The following L1TD1 variants were observed in gnomAD, a reference collection of about 807,000 sequenced individuals.
The protein encoded by L1TD1 is LINE-1 type transposase domain-containing protein 1.
In L1TD1, 26 loss-of-function variants were observed where a neutral mutation model predicts 25.7. The observed-to-expected ratio is 1.01, with a 90% CI of 0.74 to 1.40. The LOEUF is 1.40. Ranked by LOEUF, L1TD1 falls within the 40% of genes most tolerant of loss-of-function variation. The probability of loss-of-function intolerance (pLI) is 0.00; values close to 1 mark genes in which losing one functional copy is unlikely to be tolerated. For synonymous variants in L1TD1, 421 were observed against 335.6 expected (o/e 1.25, Z -2.78); for missense variants, 1,130 against 975.0 (o/e 1.16, Z -2.12).
Position 62,211,484 on chromosome 1 carries a change from AC to A in L1TD1, c.*113del. 6.8e-7 allele frequency: 1 copy of A among 1,480,378 alleles called. No individual in the cohort carries two copies. Among genetic ancestry groups the A allele is most frequent in the East Asian group, 2.3e-5 (1 of 43,746 alleles). The allele number at this position is 1,480,378 out of a possible 1,614,324, so 91.7% of individuals were successfully genotyped here. A position where few individuals can be genotyped will look rare whatever the true frequency, so the allele number is the denominator to read the frequency against. On this transcript the variant is annotated 3_prime_UTR_variant, in exon 4 of 4. Transcript: ENST00000498273. ...CAGAAGGATGGACAGCTAATAGCGTACTTGGGGATGAGGAGCAAGGAATATT... is the reference window on the plus strand; with the variant it reads ...CAGAAGGATGGACAGCTAATAGCGTATTGGGGATGAGGAGCAAGGAATATT...
At chr1:62,205,374 T>TCTCTCTCC (rs1491465068) in intron 2 of L1TD1, among the ~76,000 whole-genome samples, 939 of 79,246 alleles carry the variant, frequency 0.012, 65 homozygotes, top group Non-Finnish European at 0.02. Context: ...AAACTCTCTT[T>TCTCTCTCC]CTCTCTCTCT....
At chr1:62,198,018 T>C (rs1670576225) in intron 2 of L1TD1, among the ~76,000 whole-genome samples, 1 of 151,928 alleles carries the variant, frequency 6.6e-6, no homozygotes, top group Non-Finnish European at 1.5e-5. Context: ...CATATATAAC[T>C]GGAAGATTAC....
intron 2 of L1TD1, among the ~76,000 whole-genome samples, chr1:62,200,302 G>C (rs1197196631): frequency 6.6e-6 from 1 of 151,956 alleles, no homozygotes; most frequent in South Asian, 2.1e-4. Flanking sequence ...TCAACCTCCC[G>C]AGTAGCTGGT....
chr1:62,211,388 A>G lies in L1TD1; in HGVS notation c.*16A>G, dbSNP rs377586348. On this transcript the variant is annotated 3_prime_UTR_variant, in exon 4 of 4. Transcript: ENST00000498273. ...TATACCTTAGCACGCCAGGGTGACT[A>G]CAAACAATATGCTTTCCTCCCCCAG... 14 of 1,552,470 alleles carry G rather than the reference A, an allele frequency of 9.0e-6. No homozygotes were observed. The African/African-American group carries it at 1.1e-4, about 12-fold the overall frequency.
intron 2 of L1TD1, among the ~76,000 whole-genome samples, chr1:62,197,546 C>CTGG (rs1670568431): frequency 6.6e-6 from 1 of 151,688 alleles, no homozygotes; most frequent in East Asian, 1.9e-4. Context: ...GTTGCACAGG[C>CTGG]TGGTCTCAAA....
intron 3 of L1TD1, 48 bp downstream of exon 3, chr1:62,207,684 T>G: frequency 6.9e-7 from 1 of 1,445,168 alleles, no homozygotes; most frequent in Non-Finnish European, 9.1e-7. Flanking sequence ...ATAAATGTAA[T>G]AGTAGGCATG....
Position 62,207,552 on chromosome 1 carries a change from TGTGA to T in L1TD1, c.925_928del (p.Val309LysfsTer4). Reference sequence around the variant, plus strand: ...GAAAATTTGCCAGCCAAAAATCTTCTGTGAAAGAATTACTGAAAGATGTACTCCC... The same window carrying T: ...GAAAATTTGCCAGCCAAAAATCTTCTAAGAATTACTGAAAGATGTACTCCC... On this transcript the variant is annotated frameshift_variant, in exon 3 of 4. Transcript: ENST00000498273. LOFTEE classifies it high-confidence loss of function. 6.4e-7 allele frequency: 1 copy of T among 1,551,278 alleles called. No homozygotes were observed. The highest frequency in any genetic ancestry group is 8.7e-7 in the Non-Finnish European group (1 of 1,146,886).
intron 2 of L1TD1, among the ~76,000 whole-genome samples, chr1:62,202,577 A>T (rs1370033809): frequency 1.7e-4 from 21 of 126,762 alleles, no homozygotes; most frequent in African/African-American, 5.5e-4. Context: ...TTCATTTAAA[A>T]TTTTTTATTT....
rs1186178555 is a variant in L1TD1, at chr1:62,205,434, TATATA to T, written c.-110-1084_-110-1080del. 7.9e-3 allele frequency among the ~76,000 whole-genome samples: 585 copies of T among 73,638 alleles called. 34 individuals carry two copies. The highest frequency in any genetic ancestry group is 0.036 in the South Asian group (79 of 2,214). The allele number at this position is 73,638 out of a possible 152,430, so 48.3% of individuals were successfully genotyped here. A position where few individuals can be genotyped will look rare whatever the true frequency, so the allele number is the denominator to read the frequency against. On this transcript the variant is annotated intron_variant, in intron 2 of 3. Coordinates refer to ENST00000498273, the MANE Select transcript of L1TD1 (RefSeq NM_019079.5). ...CTCTCTCTCTATATATATATATATA[TATATA>T]TATATTTTTTTTTAGACAGTCTTGC...
In L1TD1 at chr1:62,207,465, A is replaced by G. The variant is rs1251348556; in HGVS notation, c.837A>G (p.Glu279=). The change falls in exon 3 of 4, where the codon GAA becomes GAG. Residue 279 remains glutamate (E), a synonymous_variant. Coordinates refer to ENST00000498273, the MANE Select transcript of L1TD1 (RefSeq NM_019079.5). ...ENDFEPKFLC[E]VKLAFKCDGE... ...ATTTTGAACCTAAATTTCTGTGTGAAGTTAAATTAGCATTTAAATGTGATG... is the reference window on the plus strand; with the variant it reads ...ATTTTGAACCTAAATTTCTGTGTGAGGTTAAATTAGCATTTAAATGTGATG... The G allele has an allele frequency of 3.2e-6, 5 of 1,551,122 alleles. No homozygotes were observed. The highest frequency in any genetic ancestry group is 4.4e-6 in the Non-Finnish European group (5 of 1,146,752).
At chr1:62,209,161 A>T (rs926957363) in intron 3 of L1TD1, among the ~76,000 whole-genome samples, 1 of 152,174 alleles carries the variant, frequency 6.6e-6, no homozygotes, top group African/African-American at 2.4e-5. Flanking sequence ...AGGAAAATTG[A>T]GGCACTAGTA....
At position 62,211,090 on chromosome 1, in the gene L1TD1, A is replaced by G; in HGVS notation, c.2316A>G (p.Lys772=). 2 of 1,550,672 alleles carry G rather than the reference A, an allele frequency of 1.3e-6. No homozygotes were observed. The highest frequency in any genetic ancestry group is 1.7e-6 in the Non-Finnish European group (2 of 1,146,814). Residue 772 remains lysine (K), a synonymous_variant, in exon 4 of 4, where the codon AAA becomes AAG. Coordinates refer to ENST00000498273, the MANE Select transcript of L1TD1 (RefSeq NM_019079.5). ...TTTGGAATTCTAGTGATAAAGAGAA[A>G]ATAATAAGGGCTTCTAGAGAGAGAA... is the stretch of plus-strand genomic sequence containing the variant. ...VKFWNSSDKE[K]IIRASRERRE...
intron 2 of L1TD1, among the ~76,000 whole-genome samples, chr1:62,201,056 A>T (rs1311996458): frequency 3.3e-5 from 5 of 151,856 alleles, no homozygotes; most frequent in Admixed American, 6.6e-5. Flanking sequence ...AGCCTCTGGA[A>T]TAGCTGGGAT....
chr1:62,195,607 C>G (rs944996670), intron 1 of L1TD1, among the ~76,000 whole-genome samples: 117 of 152,092 alleles, frequency 7.7e-4, no homozygotes, highest in African/African-American at 2.8e-3. Flanking sequence ...ACAAAATTAG[C>G]CAGGCGTGGT....
At chr1:62,197,408 T>C (rs1275513763) in intron 2 of L1TD1, among the ~76,000 whole-genome samples, 1 of 15,464 alleles carries the variant, frequency 6.5e-5, no homozygotes, top group African/African-American at 1.8e-4. Flanking sequence ...TATATATATA[T>C]ATATATATAT....
intron 3 of L1TD1, among the ~76,000 whole-genome samples, chr1:62,208,754 C>G (rs188923343): frequency 3.3e-5 from 5 of 152,190 alleles, no homozygotes; most frequent in East Asian, 3.9e-4. Flanking sequence ...GCTGGAATTA[C>G]AGGTGTGAGC....
At position 62,211,163 on chromosome 1, in the gene L1TD1, T is replaced by A; in HGVS notation, c.2389T>A (p.Ser797Thr). Residue 797 changes from serine to threonine, a missense_variant, in exon 4 of 4, where the codon TCA becomes ACA. Physicochemically the swap from Ser to Thr is moderately conservative, Grantham distance 58. Coordinates refer to ENST00000498273, the MANE Select transcript of L1TD1 (RefSeq NM_019079.5). ...AAGAATCAGGTTGACAGCAGACTTA[T>A]CACTGGACACACTGGATGCTAGAAG... ...GTRIRLTADLSLDTLDARSKW... is the reference protein window; with the variant it reads ...GTRIRLTADLTLDTLDARSKW... 6.4e-7 allele frequency: 1 copy of A among 1,551,316 alleles called. No homozygotes were observed. The highest frequency in any genetic ancestry group is 8.7e-7 in the Non-Finnish European group (1 of 1,146,912).
intron 2 of L1TD1, among the ~76,000 whole-genome samples, chr1:62,202,038 C>A (rs572885477): frequency 6.6e-6 from 1 of 152,118 alleles, no homozygotes; most frequent in African/African-American, 2.4e-5. Flanking sequence ...AGGTGGCTCA[C>A]GCCTGTAATC....
Position 62,196,509 on chromosome 1 carries a change from G to C in L1TD1, c.-130G>C, listed in dbSNP as rs950146231. The C allele has an allele frequency of 6.6e-6, 1 of 152,134 alleles. No homozygotes were observed. The highest frequency in any genetic ancestry group is 2.4e-5 in the African/African-American group (1 of 41,420). The allele number at this position is 152,134 out of a possible 1,614,324, so 9.4% of individuals were successfully genotyped here. ...GTCTTCCCAGCGAAGGTACAGAGGCGGATGAACTGCTGAGACTTGGTAAGT... is the reference window on the plus strand; with the variant it reads ...GTCTTCCCAGCGAAGGTACAGAGGCCGATGAACTGCTGAGACTTGGTAAGT... On this transcript the variant is annotated 5_prime_UTR_variant, in exon 2 of 4. Transcript: ENST00000498273.
Sources: allele counts gnomAD v4.1 joint callset (sites outside exome capture counted in the v4.1 genomes callset), GRCh38; gene constraint gnomAD v4.1.1; transcripts MANE v1.5; gene names NCBI Gene and HGNC (gene_info 2026-07-23, HGNC 2026-07-21).